Variants in PIP5K1C observed in about 807,000 individuals in gnomAD.
PIP5K1C encodes phosphatidylinositol 4-phosphate 5-kinase type-1 gamma.
A neutral mutation model predicts 80.1 loss-of-function variants in PIP5K1C; 45 were observed. The ratio of observed to expected loss-of-function variants is 0.56; its 90% CI spans 0.44 to 0.72. The LOEUF is 0.72. PIP5K1C is among the 30% of genes least tolerant of loss of function. PIP5K1C has a pLI of 0.00. For missense variants in PIP5K1C, 753 were observed against 954.6 expected (o/e 0.79, Z 2.78); for synonymous variants, 498 against 420.1 (o/e 1.19, Z -2.27).
chr19:3,676,639 C>T (rs2035368661), intron 1 of PIP5K1C, among the ~76,000 whole-genome samples: 1 of 152,136 alleles, frequency 6.6e-6, no homozygotes, highest in South Asian at 2.1e-4. Flanking sequence ...GTTTGACAGG[C>T]CGGGAAATGG....
Position 3,653,387 on chromosome 19 carries a change from T to C in PIP5K1C, c.824A>G (p.Tyr275Cys), listed in dbSNP as rs2034518522. The C allele has an allele frequency of 1.2e-6, 2 of 1,612,968 alleles. No individual in the cohort carries two copies. The highest frequency in any genetic ancestry group is 3.3e-5 in the Admixed American group (2 of 60,026). The stretch of plus-strand genomic sequence containing the variant: ...GTCCTGCATGAAGTCCAGGTCCTTG[T>C]AGGTGGGGAAGCTCTTCTCCTTCTC... The part of the protein sequence containing the change: ...KKEKEKSFPT[Y>C]KDLDFMQDMP... The change falls in exon 7 of 18, where the codon TAC (tyrosine) becomes TGC (cysteine). Residue 275 changes from tyrosine to cysteine, a missense_variant. Coordinates refer to ENST00000335312, the MANE Select transcript of PIP5K1C (RefSeq NM_012398.3).
chr19:3,637,314 C>G lies in PIP5K1C; in HGVS notation c.1920+1570G>C. On this transcript the variant is annotated intron_variant, in intron 16 of 17. Coordinates refer to ENST00000335312, the MANE Select transcript of PIP5K1C (RefSeq NM_012398.3). This position sits in a 1 kb window ranked among gnomAD's most constrained non-coding sequence, Gnocchi z 7.0. Reference sequence around the variant, plus strand: ...GTGATGGTGCTGCCCTATGGAGCGCCCGGTTCGACGTGGGACCGAATGACA... The same window carrying G: ...GTGATGGTGCTGCCCTATGGAGCGCGCGGTTCGACGTGGGACCGAATGACA... 2.0e-5 allele frequency: 31 copies of G among 1,522,636 alleles called. No individual in the cohort carries two copies. The highest frequency in any genetic ancestry group is 2.7e-5 in the Non-Finnish European group (31 of 1,139,758). 94.3% of individuals were successfully genotyped at this position (1,522,636 alleles called of 1,614,324 possible).
intron 9 of PIP5K1C, among the ~76,000 whole-genome samples, chr19:3,647,845 G>A (rs533939060): frequency 6.6e-6 from 1 of 152,338 alleles, no homozygotes; most frequent in South Asian, 2.1e-4. Flanking sequence ...TACTGGGGAG[G>A]CTGGGGCAGG....
chr19:3,685,004 C>G lies in PIP5K1C; in HGVS notation c.94+15293G>C, dbSNP rs576796379. On this transcript the variant is annotated intron_variant, in intron 1 of 17. Transcript: ENST00000335312. Reference sequence around the variant, plus strand: ...CCATCCTTTGGTGCCGTCTGAAATACATATTTTGTCATTTTTATTTATAGA... The same window carrying G: ...CCATCCTTTGGTGCCGTCTGAAATAGATATTTTGTCATTTTTATTTATAGA... Among the ~76,000 whole-genome samples the G allele has an allele frequency of 8.5e-5, 13 of 152,324 alleles. No homozygotes were observed. In the East Asian group the frequency reaches 2.5e-3, roughly 29 times the overall value.
In PIP5K1C at chr19:3,656,441, G is replaced by A. The variant is rs141548807; in HGVS notation, c.585C>T (p.Ala195=). Residue 195 remains alanine (A), a synonymous_variant, in exon 6 of 18, where the codon GCC becomes GCT. Transcript: ENST00000335312. ...FIIKTVMHKE[A]EFLQKLLPGY... The stretch of plus-strand genomic sequence containing the variant: ...CAGGGAGCAGCTTCTGCAGGAACTC[G>A]GCCTCCTTGTGCATGACGGTCTTGA... 1.5e-4 allele frequency: 248 copies of A among 1,613,618 alleles called. 2 individuals are homozygous for A. The African/African-American group carries it at 2.8e-3, about 18-fold the overall frequency.
intron 1 of PIP5K1C, chr19:3,668,320 A>G (rs74828799): frequency 0.21 from 31,417 of 152,068 alleles, 3,629 homozygotes; most frequent in African/African-American, 0.3. Flanking sequence ...CTGTGATTAC[A>G]GGCCCTGAGA....
At chr19:3,647,199 C>G (rs1244202221) in intron 10 of PIP5K1C, 139 bp downstream of exon 10, 4 of 719,640 alleles carry the variant, frequency 5.6e-6, no homozygotes, top group Non-Finnish European at 2.3e-6. Flanking sequence ...CAGGCACTCA[C>G]AGGAGGAGGA....
intron 14 of PIP5K1C, among the ~76,000 whole-genome samples, chr19:3,642,060 G>A (rs910261872): frequency 6.6e-6 from 1 of 152,184 alleles, no homozygotes; most frequent in Non-Finnish European, 1.5e-5. Flanking sequence ...CCCGACCGGT[G>A]TGGGTGCCAC....
intron 6 of PIP5K1C, 122 bp downstream of exon 6, chr19:3,656,283 A>C: frequency 9.1e-7 from 1 of 1,098,098 alleles, no homozygotes; most frequent in Non-Finnish European, 1.4e-6. Flanking sequence ...CCGGGACCCA[A>C]GATGCCTCTC....
In PIP5K1C at chr19:3,696,886, T is replaced by C. The variant is rs1207199745; in HGVS notation, c.94+3411A>G. Among the ~76,000 whole-genome samples the C allele has an allele frequency of 6.6e-6, 1 of 152,056 alleles. No homozygotes were observed. Among genetic ancestry groups the C allele is most frequent in the African/African-American group, 2.4e-5 (1 of 41,394 alleles). On this transcript the variant is annotated intron_variant, in intron 1 of 17. Coordinates refer to ENST00000335312, the MANE Select transcript of PIP5K1C (RefSeq NM_012398.3). This position sits in a 1 kb window ranked among gnomAD's most constrained non-coding sequence, Gnocchi z 4.1. ...CGGGACTCGGGCCGCTGGTTTTTAA[T>C]GGGGTCCTCCTGGAATGTGGGACAG...
At chr19:3,658,134 A>ACC (rs2034700897) in intron 5 of PIP5K1C, among the ~76,000 whole-genome samples, 1 of 151,732 alleles carries the variant, frequency 6.6e-6, no homozygotes, top group South Asian at 2.1e-4. Flanking sequence ...TCAAGTCACC[A>ACC]CCCCCGCCCT....
chr19:3,695,066 T>C (rs2036060108), intron 1 of PIP5K1C, among the ~76,000 whole-genome samples: 1 of 152,204 alleles, frequency 6.6e-6, no homozygotes. Flanking sequence ...AGAAGCGGCA[T>C]GGACAGATTC....
chr19:3,636,407 C>T (rs761003305), intron 16 of PIP5K1C: 1 of 985,452 alleles, frequency 1.0e-6, no homozygotes, highest in Non-Finnish European at 1.2e-6. Context: ...TCCGCTTCTG[C>T]TGTGCCTGCT....
chr19:3,651,366 T>G (rs1426921286), intron 8 of PIP5K1C, among the ~76,000 whole-genome samples: 1 of 152,148 alleles, frequency 6.6e-6, no homozygotes, highest in East Asian at 1.9e-4. Flanking sequence ...AGCAGCTGCT[T>G]TGATCTGTGT....
At chr19:3,650,861 A>G (rs1244208804) in intron 8 of PIP5K1C, among the ~76,000 whole-genome samples, 1 of 151,600 alleles carries the variant, frequency 6.6e-6, no homozygotes, top group Non-Finnish European at 1.5e-5. Flanking sequence ...GGTTCAAGCG[A>G]TTCTCCTGCC....
Position 3,660,836 on chromosome 19 carries a change from C to A in PIP5K1C, c.468+130G>T, listed in dbSNP as rs1050165558. On this transcript the variant is annotated intron_variant, in intron 5 of 17. Coordinates refer to ENST00000335312, the MANE Select transcript of PIP5K1C (RefSeq NM_012398.3). Reference sequence around the variant, plus strand: ...GTGAGTCTCACAGGAGACTCCGGCCCTGAACCTGACCATAACCCTACACGA... The same window carrying A: ...GTGAGTCTCACAGGAGACTCCGGCCATGAACCTGACCATAACCCTACACGA... 1.1e-5 allele frequency: 8 copies of A among 737,660 alleles called. No individual in the cohort carries two copies. The African/African-American group carries it at 1.2e-4, about 11-fold the overall frequency. The allele number at this position is 737,660 out of a possible 1,614,324, so 45.7% of individuals were successfully genotyped here.
chr19:3,647,549 G>C (rs905704251), intron 9 of PIP5K1C, among the ~76,000 whole-genome samples, 163 bp from the exon 10 acceptor site: 3 of 152,180 alleles, frequency 2.0e-5, no homozygotes, highest in African/African-American at 4.8e-5. Context: ...GGGAGTGGGT[G>C]GAGGCTCTCT....
In PIP5K1C at chr19:3,639,109, C is replaced by T. The variant is rs1057508108; in HGVS notation, c.1788-93G>A. On this transcript the variant is annotated intron_variant, in intron 15 of 17. Transcript: ENST00000335312. ...TCAGGACCCAGGCAGGGGCTTCATA[C>T]GGTCATCACGGAGATGAAAAGCCAG... The T allele has an allele frequency of 1.4e-5, 20 of 1,421,214 alleles. No homozygotes were observed. The Admixed American group carries it at 1.8e-4, about 13-fold the overall frequency. 88.0% of individuals were successfully genotyped at this position (1,421,214 alleles called of 1,614,324 possible).
intron 3 of PIP5K1C, among the ~76,000 whole-genome samples, chr19:3,663,382 C>T (rs1298872610): frequency 6.6e-6 from 1 of 152,198 alleles, no homozygotes; most frequent in Admixed American, 6.5e-5. Context: ...CCCTCCTAAG[C>T]CACACTCTGG....
Sources: allele counts gnomAD v4.1 joint callset (sites outside exome capture counted in the v4.1 genomes callset), GRCh38; gene constraint gnomAD v4.1.1; non-coding constraint Gnocchi (gnomAD v3.1); transcripts MANE v1.5; gene names NCBI Gene and HGNC (gene_info 2026-07-23, HGNC 2026-07-21).